Variants in NUDCD1 observed in about 807,000 individuals in gnomAD.
NUDCD1 encodes NudC domain containing 1.
NUDCD1 carries 60 observed loss-of-function variants against 67.8 expected under a neutral mutation model. That is an observed-to-expected ratio of 0.88 (90% CI 0.72 to 1.10). The LOEUF (loss-of-function observed/expected upper bound fraction) is 1.10, where lower values mean the gene tolerates loss of function less well. NUDCD1 is among the 50% of genes least tolerant of loss of function. The pLI, the probability that NUDCD1 is intolerant of heterozygous loss-of-function variation, is 0.00. For synonymous variants in NUDCD1, 244 were observed against 230.8 expected (o/e 1.06, Z -0.52); for missense variants, 643 against 695.0 (o/e 0.93, Z 0.84).
chr8:109,319,310 C>T (rs541545143), intron 2 of NUDCD1, among the ~76,000 whole-genome samples: 91 of 152,248 alleles, frequency 6.0e-4, no homozygotes, highest in African/African-American at 1.3e-3. Flanking sequence ...AATTGGAACA[C>T]GGCCACACTC....
intron 7 of NUDCD1, among the ~76,000 whole-genome samples, chr8:109,271,889 G>C (rs1814165428): frequency 6.6e-6 from 1 of 151,812 alleles, no homozygotes; most frequent in Non-Finnish European, 1.5e-5. Context: ...GATATTTGAA[G>C]GTGTAAGAGA....
chr8:109,278,236 A>G (rs1814343095), intron 6 of NUDCD1, among the ~76,000 whole-genome samples: 1 of 152,236 alleles, frequency 6.6e-6, no homozygotes, highest in African/African-American at 2.4e-5. Context: ...ACTGAATTTA[A>G]TAATTACTAA....
At chr8:109,325,188 A>T (rs1815649471) in intron 1 of NUDCD1, among the ~76,000 whole-genome samples, 1 of 152,112 alleles carries the variant, frequency 6.6e-6, no homozygotes, top group Non-Finnish European at 1.5e-5. Context: ...TAGTTATCAG[A>T]GGCTGGGAAA....
chr8:109,261,872 GCCTCACTATGT>G (rs1186285258), intron 8 of NUDCD1, among the ~76,000 whole-genome samples: 1 of 151,974 alleles, frequency 6.6e-6, no homozygotes, highest in Non-Finnish European at 1.5e-5. Flanking sequence ...GACTCACAGG[GCCTCACTATGT>G]ACTAGTAAGG....
chr8:109,256,270 G>A (rs1444670234), intron 8 of NUDCD1, among the ~76,000 whole-genome samples: 1 of 152,098 alleles, frequency 6.6e-6, no homozygotes, highest in Non-Finnish European at 1.5e-5. Context: ...AATCAGGACT[G>A]GATGGCAGTG....
chr8:109,305,514 G>T (rs553819048), intron 2 of NUDCD1, among the ~76,000 whole-genome samples: 2 of 152,208 alleles, frequency 1.3e-5, no homozygotes, highest in South Asian at 4.2e-4. Context: ...AAGTTAAAAA[G>T]GACTGGACAG....
At chr8:109,262,711 C>T (rs1813893236) in intron 8 of NUDCD1, among the ~76,000 whole-genome samples, 2 of 152,076 alleles carry the variant, frequency 1.3e-5, no homozygotes, top group Admixed American at 1.3e-4. Context: ...GTAATTCATT[C>T]ATTTGCATAA....
At chr8:109,287,985 T>C (rs1008917409) in intron 5 of NUDCD1, among the ~76,000 whole-genome samples, 8 of 152,114 alleles carry the variant, frequency 5.3e-5, no homozygotes, top group Non-Finnish European at 1.0e-4. Context: ...AAACATGTTA[T>C]TAAAATGCCA....
chr8:109,332,808 G>A (rs564492278), intron 1 of NUDCD1, among the ~76,000 whole-genome samples: 1 of 152,100 alleles, frequency 6.6e-6, no homozygotes, highest in East Asian at 1.9e-4. Context: ...GAAAAATCAA[G>A]CTTATCCTCT....
intron 8 of NUDCD1, among the ~76,000 whole-genome samples, chr8:109,260,310 T>C (rs1813836445): frequency 6.6e-6 from 1 of 152,208 alleles, no homozygotes; most frequent in Admixed American, 6.5e-5. Context: ...TCTTCGGGCC[T>C]CAGGCCCCTG....
chr8:109,277,334 G>A (rs1020496279), intron 6 of NUDCD1, among the ~76,000 whole-genome samples: 4 of 152,058 alleles, frequency 2.6e-5, no homozygotes, highest in Non-Finnish European at 5.9e-5. Context: ...TACCTAAAGA[G>A]GTCTGAAAGA....
chr8:109,243,074 T>C lies in NUDCD1; in HGVS notation c.1687A>G (p.Asn563Asp). 6.2e-7 allele frequency: 1 copy of C among 1,611,494 alleles called. No individual in the cohort carries two copies. Among genetic ancestry groups the C allele is most frequent in the Non-Finnish European group, 8.5e-7 (1 of 1,177,668 alleles). The change falls in exon 10 of 10, where the codon AAT becomes GAT. Residue 563 changes from asparagine to aspartate, a missense_variant. By Grantham distance (23) the Asn-to-Asp change is conservative. Coordinates refer to ENST00000239690, the MANE Select transcript of NUDCD1 (RefSeq NM_032869.4). ...GTAGTAAGAACAAATAATCTCTCAT[T>C]TGTTGCCTGAAATCCTAAAATAGGA... ...NDPILGFQATNERLFVLTTKN... is the reference protein window; with the variant it reads ...NDPILGFQATDERLFVLTTKN...
chr8:109,263,827 G>A (rs1813926477), intron 8 of NUDCD1, among the ~76,000 whole-genome samples: 1 of 152,046 alleles, frequency 6.6e-6, no homozygotes, highest in East Asian at 1.9e-4. Context: ...AATTTGTATG[G>A]ATGGTACAAA....
chr8:109,265,492 C>T (rs1813973471), intron 8 of NUDCD1, among the ~76,000 whole-genome samples: 1 of 152,212 alleles, frequency 6.6e-6, no homozygotes, highest in Non-Finnish European at 1.5e-5. Context: ...ATGTACAGCA[C>T]TTGCCTTTCC....
intron 5 of NUDCD1, among the ~76,000 whole-genome samples, chr8:109,282,397 G>A (rs1464253916): frequency 6.6e-6 from 1 of 152,048 alleles, no homozygotes; most frequent in Non-Finnish European, 1.5e-5. Context: ...ATAGGGCTAT[G>A]GAAGCAAAGC....
chr8:109,262,985 G>A (rs533896966), intron 8 of NUDCD1, among the ~76,000 whole-genome samples: 3 of 137,282 alleles, frequency 2.2e-5, no homozygotes, highest in Admixed American at 1.6e-4. Context: ...AACCTGGGAG[G>A]CAAAGGTTGC....
intron 8 of NUDCD1, among the ~76,000 whole-genome samples, chr8:109,265,922 G>A (rs774818477): frequency 6.6e-6 from 1 of 151,938 alleles, no homozygotes; most frequent in East Asian, 1.9e-4. Context: ...GTGGCCCAGG[G>A]GATTGGGGAC....
intron 8 of NUDCD1, among the ~76,000 whole-genome samples, chr8:109,264,581 G>C (rs1813949842): frequency 2.0e-5 from 3 of 150,580 alleles, no homozygotes; most frequent in African/African-American, 2.5e-5. Context: ...TAAAGTAACA[G>C]AGCATGAAAA....
intron 7 of NUDCD1, among the ~76,000 whole-genome samples, chr8:109,272,838 G>C (rs944503879): frequency 6.6e-6 from 1 of 152,104 alleles, no homozygotes. Flanking sequence ...AACAATTATG[G>C]TTGCTGTGGC....
Sources: allele counts gnomAD v4.1 joint callset (sites outside exome capture counted in the v4.1 genomes callset), GRCh38; gene constraint gnomAD v4.1.1; transcripts MANE v1.5; gene names NCBI Gene and HGNC (gene_info 2026-07-23, HGNC 2026-07-21).